The following EHHADH variants were observed in gnomAD, a reference collection of about 807,000 sequenced individuals.
EHHADH encodes the protein peroxisomal bifunctional enzyme.
In EHHADH, 48 loss-of-function variants were observed where a neutral mutation model predicts 64.4. That is an observed-to-expected ratio of 0.75 (90% CI 0.59 to 0.95). The LOEUF is 0.95. EHHADH is among the 40% of genes least tolerant of loss of function. The pLI is 0.00. For synonymous variants in EHHADH, 308 were observed against 326.7 expected, an observed-to-expected ratio of 0.94 and a Z score of 0.62; for missense variants, 854 against 876.6, an observed-to-expected ratio of 0.97 and a Z score of 0.33.
At chr3:185,218,425 T>C (rs544192756) in intron 4 of EHHADH, among the ~76,000 whole-genome samples, 185 bp from the exon 5 acceptor site, 148 of 152,088 alleles carry the variant, frequency 9.7e-4, no homozygotes, top group African/African-American at 3.4e-3. Flanking sequence ...ACCAGGAAAC[T>C]TGGATTCAAG....
chr3:185,237,892 C>T (rs970456756), intron 2 of EHHADH, among the ~76,000 whole-genome samples: 1 of 152,092 alleles, frequency 6.6e-6, no homozygotes, highest in African/African-American at 2.4e-5. Context: ...AACTTTTCAA[C>T]CCTCACCCCA....
Position 185,191,619 on chromosome 3 carries a change from A to G in EHHADH, c.*607T>C, listed in dbSNP as rs1278265531. 6.6e-6 allele frequency: 1 copy of G among 152,272 alleles called. No homozygotes were observed. Among genetic ancestry groups the G allele is most frequent in the African/African-American group, 2.4e-5 (1 of 41,446 alleles). 9.4% of individuals were successfully genotyped at this position (152,272 alleles called of 1,614,324 possible). ...GAATTGGGAAATCCTAGAAGGTTAG[A>G]TGTTCTCTAAGACCCTTCTTACACT... On this transcript the variant is annotated 3_prime_UTR_variant, in exon 7 of 7. Coordinates refer to ENST00000231887, the MANE Select transcript of EHHADH (RefSeq NM_001966.4).
chr3:185,201,372 G>A (rs889569517), intron 6 of EHHADH, among the ~76,000 whole-genome samples: 20 of 152,308 alleles, frequency 1.3e-4, no homozygotes, highest in Admixed American at 9.8e-4. Context: ...GTAATGAAAA[G>A]GGATAGAACG....
chr3:185,228,759 A>T (rs1719070390), intron 4 of EHHADH, among the ~76,000 whole-genome samples: 1 of 152,170 alleles, frequency 6.6e-6, no homozygotes, highest in African/African-American at 2.4e-5. Flanking sequence ...AGTCATTTTC[A>T]TATTAAAATT....
At chr3:185,200,577 T>C (rs1718196036) in intron 6 of EHHADH, among the ~76,000 whole-genome samples, 1 of 152,192 alleles carries the variant, frequency 6.6e-6, no homozygotes, top group Non-Finnish European at 1.5e-5. Flanking sequence ...AGTTCTCTAA[T>C]TTTGCCTCAC....
At chr3:185,228,812 C>A (rs1039459696) in intron 4 of EHHADH, among the ~76,000 whole-genome samples, 1 of 151,800 alleles carries the variant, frequency 6.6e-6, no homozygotes, top group Non-Finnish European at 1.5e-5. Flanking sequence ...ATTTATATTA[C>A]AATTTTTTTT....
chr3:185,197,005 GA>G (rs567350679), intron 6 of EHHADH, among the ~76,000 whole-genome samples: 7,860 of 118,142 alleles, frequency 0.067, 254 homozygotes, highest in East Asian at 0.19. Flanking sequence ...CCATCTTGAA[GA>G]AAAAAAAAAA....
intron 5 of EHHADH, among the ~76,000 whole-genome samples, chr3:185,217,337 G>C (rs1299078526): frequency 6.6e-6 from 1 of 152,022 alleles, no homozygotes; most frequent in African/African-American, 2.4e-5. Context: ...ACGAGGTCAG[G>C]AGTTCGAGAT....
In EHHADH at chr3:185,192,931, G is replaced by T; in HGVS notation, c.1467C>A (p.Tyr489Ter). The change falls in exon 7 of 7, where the codon TAC becomes TAA. Residue 489 changes from tyrosine to a stop codon, truncating the protein, a stop_gained. Transcript: ENST00000231887. LOFTEE classifies it high-confidence loss of function. ...FVGNRMLNPY[Y>*]NQAYFLLEEG... Reference sequence around the variant, plus strand: ...CTTCTAACAAGAAATATGCCTGATTGTAGTAAGGATTCAACATTCGATTCC... The same window carrying T: ...CTTCTAACAAGAAATATGCCTGATTTTAGTAAGGATTCAACATTCGATTCC... 6.2e-7 allele frequency: 1 copy of T among 1,613,968 alleles called. No homozygotes were observed. Among genetic ancestry groups the T allele is most frequent in the Non-Finnish European group, 8.5e-7 (1 of 1,179,940 alleles).
At position 185,231,645 on chromosome 3, in the gene EHHADH, T is replaced by C. The variant is rs368347189; in HGVS notation, c.352-2102A>G. Among the ~76,000 whole-genome samples, 55 of 131,972 alleles carry C rather than the reference T, an allele frequency of 4.2e-4. No homozygotes were observed. The East Asian group carries it at 9.3e-3, about 22-fold the overall frequency. The allele number at this position is 131,972 out of a possible 152,430, so 86.6% of individuals were successfully genotyped here. A position where few individuals can be genotyped will look rare whatever the true frequency, so the allele number is the denominator to read the frequency against. ...ACCACATATCGTATGATTCTGTTTATATGAAATATCCAGAATAGGCAAAAC... is the reference window on the plus strand; with the variant it reads ...ACCACATATCGTATGATTCTGTTTACATGAAATATCCAGAATAGGCAAAAC... On this transcript the variant is annotated intron_variant, in intron 3 of 6. Coordinates refer to ENST00000231887, the MANE Select transcript of EHHADH (RefSeq NM_001966.4).
At chr3:185,239,926 T>TA (rs1270787129) in intron 2 of EHHADH, among the ~76,000 whole-genome samples, 2 of 152,162 alleles carry the variant, frequency 1.3e-5, no homozygotes, top group Non-Finnish European at 2.9e-5. Flanking sequence ...TTGTTGTATA[T>TA]AGCTTTTATT....
At position 185,192,920 on chromosome 3, in the gene EHHADH, T is replaced by C. The variant is rs1219127385; in HGVS notation, c.1478A>G (p.Tyr493Cys). Residue 493 changes from tyrosine (Y) to cysteine (C), a missense_variant, in exon 7 of 7, where the codon TAT (tyrosine) becomes TGT (cysteine). Coordinates refer to ENST00000231887, the MANE Select transcript of EHHADH (RefSeq NM_001966.4). ...RMLNPYYNQA[Y>C]FLLEEGSKPE... ...TTTGCTGCCTTCTTCTAACAAGAAATATGCCTGATTGTAGTAAGGATTCAA... is the reference window on the plus strand; with the variant it reads ...TTTGCTGCCTTCTTCTAACAAGAAACATGCCTGATTGTAGTAAGGATTCAA... 5 of 1,614,048 alleles carry C rather than the reference T, an allele frequency of 3.1e-6. No individual in the cohort carries two copies. In the Admixed American group the frequency reaches 6.7e-5, roughly 22 times the overall value.
Position 185,193,054 on chromosome 3 carries a change from G to A in EHHADH, c.1344C>T (p.Ser448=). 6.2e-7 allele frequency: 1 copy of A among 1,614,134 alleles called. No individual in the cohort carries two copies. The highest frequency in any genetic ancestry group is 8.5e-7 in the Non-Finnish European group (1 of 1,180,026). ...HVMKLLEVIP[S]QYSSPTTIAT... ...CAATGGTAGTGGGGGAAGAGTATTG[G>A]CTGGGAATAACCTCTAACAACTTCA... is the stretch of plus-strand genomic sequence containing the variant. Residue 448 remains serine, a synonymous_variant, in exon 7 of 7, where the codon AGC becomes AGT. Transcript: ENST00000231887.
At chr3:185,205,694 C>A (rs1363086258) in intron 5 of EHHADH, among the ~76,000 whole-genome samples, 2 of 152,018 alleles carry the variant, frequency 1.3e-5, no homozygotes, top group East Asian at 3.9e-4. Flanking sequence ...AATGGGAAAA[C>A]AACTTTCCTG....
chr3:185,198,198 G>C (rs1395810000), intron 6 of EHHADH, among the ~76,000 whole-genome samples: 4 of 151,516 alleles, frequency 2.6e-5, no homozygotes, highest in African/African-American at 9.7e-5. Context: ...GTCCATAGAA[G>C]CTGCAACATT....
At chr3:185,215,865 T>C (rs751156779) in intron 5 of EHHADH, among the ~76,000 whole-genome samples, 7 of 152,214 alleles carry the variant, frequency 4.6e-5, no homozygotes, top group Admixed American at 2.0e-4. Context: ...TGATCATTAC[T>C]CTATACACGA....
chr3:185,220,166 T>C (rs370515335), intron 4 of EHHADH, among the ~76,000 whole-genome samples: 4 of 152,184 alleles, frequency 2.6e-5, no homozygotes, highest in Non-Finnish European at 5.9e-5. Flanking sequence ...TACTCCCAGA[T>C]AGACTAAAAA....
intron 4 of EHHADH, among the ~76,000 whole-genome samples, chr3:185,219,974 G>T (rs1354968803): frequency 2.0e-5 from 3 of 152,112 alleles, no homozygotes; most frequent in Non-Finnish European, 4.4e-5. Flanking sequence ...GTAAGGAGTA[G>T]GGTAAGAGGT....
At chr3:185,194,098 G>T (rs1314962404) in intron 6 of EHHADH, among the ~76,000 whole-genome samples, 1 of 152,138 alleles carries the variant, frequency 6.6e-6, no homozygotes, top group African/African-American at 2.4e-5. Flanking sequence ...AGAAATGCAA[G>T]AAATCCAGAA....
Sources: allele counts gnomAD v4.1 joint callset (sites outside exome capture counted in the v4.1 genomes callset), GRCh38; gene constraint gnomAD v4.1.1; transcripts MANE v1.5; gene names NCBI Gene and HGNC (gene_info 2026-07-23, HGNC 2026-07-21).